Variants in ADAMTS10 observed in about 807,000 individuals in gnomAD.
ADAMTS10 encodes ADAM metallopeptidase with thrombospondin type 1 motif 10.
In ADAMTS10, 48 loss-of-function variants were observed where a neutral mutation model predicts 135.9. The observed-to-expected ratio is 0.35, with a 90% CI of 0.28 to 0.45. The LOEUF (loss-of-function observed/expected upper bound fraction) is 0.45. ADAMTS10 is among the 20% of genes least tolerant of loss of function. ADAMTS10 has a pLI of 1.00. For missense variants in ADAMTS10, 1,131 were observed against 1,565.2 expected, an observed-to-expected ratio of 0.72 and a Z score of 4.68; for synonymous variants, 621 against 647.5, an observed-to-expected ratio of 0.96 and a Z score of 0.62.
intron 18 of ADAMTS10, 138 bp downstream of exon 18, chr19:8,589,104 C>A (rs2042480769): frequency 2.1e-6 from 3 of 1,449,984 alleles, no homozygotes; most frequent in East Asian, 2.4e-5. Context: ...GCCCGCAGGA[C>A]TTTTGGGGAC....
At chr19:8,582,558 C>A (rs2146031430) in intron 25 of ADAMTS10, 1 of 152,290 alleles carries the variant, frequency 6.6e-6, no homozygotes, top group Non-Finnish European at 1.5e-5. Flanking sequence ...AGAACATTGA[C>A]TATTTTGTGT....
At chr19:8,600,155 C>T (rs2042647209) in intron 6 of ADAMTS10, among the ~76,000 whole-genome samples, 1 of 152,226 alleles carries the variant, frequency 6.6e-6, no homozygotes, top group South Asian at 2.1e-4. Flanking sequence ...ATGCCACCTA[C>T]TGCATGCCAA....
At chr19:8,597,855 G>T (rs1241284509) in intron 6 of ADAMTS10, among the ~76,000 whole-genome samples, 1 of 151,736 alleles carries the variant, frequency 6.6e-6, no homozygotes, top group Non-Finnish European at 1.5e-5. Flanking sequence ...CTAGGGTGGA[G>T]TACAATGGTG....
Position 8,589,326 on chromosome 19 carries a change from C to T in ADAMTS10, c.2074G>A (p.Glu692Lys), listed in dbSNP as rs1555738189. 1 of 1,612,544 alleles carries T rather than the reference C, an allele frequency of 6.2e-7. No homozygotes were observed. Among genetic ancestry groups the T allele is most frequent in the South Asian group, 1.1e-5 (1 of 91,076 alleles). Reference protein sequence around the residue: ...CDRVLGSDLREDKCRVCGGDG... With the variant: ...CDRVLGSDLRKDKCRVCGGDG... ...CCGCCACACACTCGGCACTTGTCCTCCCGCAGGTCGGAGCCCAGGACTCGG... is the reference window on the plus strand; with the variant it reads ...CCGCCACACACTCGGCACTTGTCCTTCCGCAGGTCGGAGCCCAGGACTCGG... The change falls in exon 18 of 26, where the codon GAG (glutamate) becomes AAG (lysine). Residue 692 changes from glutamate to lysine, a missense_variant. By Grantham distance (56) the Glu-to-Lys change is moderately conservative. Coordinates refer to ENST00000597188, the MANE Select transcript of ADAMTS10 (RefSeq NM_030957.4).
At chr19:8,585,882 C>A (rs190378775) in intron 22 of ADAMTS10, among the ~76,000 whole-genome samples, 1 of 152,218 alleles carries the variant, frequency 6.6e-6, no homozygotes, top group Admixed American at 6.5e-5. Flanking sequence ...TTGGACAATG[C>A]GAGTGACCAG....
chr19:8,590,589 G>T (rs1555738700), intron 15 of ADAMTS10, among the ~76,000 whole-genome samples: 2 of 152,122 alleles, frequency 1.3e-5, no homozygotes, highest in East Asian at 3.9e-4. Context: ...CTCCCAAGTA[G>T]CTGGGACTAC....
At chr19:8,584,842 G>A in intron 25 of ADAMTS10, 53 bp downstream of exon 25, 2 of 1,545,006 alleles carry the variant, frequency 1.3e-6, no homozygotes, top group East Asian at 2.5e-5. Flanking sequence ...TGCCCTCTGT[G>A]GCTGCCTCTG....
At position 8,596,610 on chromosome 19, in the gene ADAMTS10, A is replaced by C; in HGVS notation, c.1041-25T>G. The C allele has an allele frequency of 6.2e-7, 1 of 1,611,694 alleles. No homozygotes were observed. Among genetic ancestry groups the C allele is most frequent in the Non-Finnish European group, 8.5e-7 (1 of 1,179,522 alleles). ...GCTGTAAAAGGAGACAGGGTCAGTG[A>C]GGGGGCTGGGCTGTCTCCCTAAGCC... is the stretch of plus-strand genomic sequence containing the variant. On this transcript the variant is annotated intron_variant, in intron 8 of 25. Transcript: ENST00000597188. The surrounding 1 kb of genome is among the most constrained non-coding windows in gnomAD (Gnocchi z 7.2).
Position 8,605,190 on chromosome 19 carries a change from T to C in ADAMTS10, c.257A>G (p.His86Arg), listed in dbSNP as rs782616945. The C allele has an allele frequency of 2.5e-6, 4 of 1,613,938 alleles. No individual in the cohort carries two copies. The highest frequency in any genetic ancestry group is 1.7e-5 in the Admixed American group (1 of 60,006). Residue 86 changes from histidine (H) to arginine (R), a missense_variant, in exon 4 of 26, where the codon CAC (histidine) becomes CGC (arginine). Transcript: ENST00000597188. The surrounding 1 kb of genome is among the most constrained non-coding windows in gnomAD (Gnocchi z 7.7). ...GCTGCGGGTCAGGTTCAGCAGGAAG[T>C]GGGTGCTGGGCGAGGCCACTTTGTA... The part of the protein sequence containing the change: ...LFYKVASPST[H>R]FLLNLTRSSR...
chr19:8,587,593 C>T (rs534625075), intron 18 of ADAMTS10, among the ~76,000 whole-genome samples: 4 of 151,390 alleles, frequency 2.6e-5, no homozygotes, highest in East Asian at 2.0e-4. Flanking sequence ...CTCAGCCTCT[C>T]GAGCAGCTGG....
chr19:8,596,684 G>A lies in ADAMTS10; in HGVS notation c.1041-99C>T. 4 of 1,452,866 alleles carry A rather than the reference G, an allele frequency of 2.8e-6. No individual in the cohort carries two copies. The highest frequency in any genetic ancestry group is 2.8e-6 in the Non-Finnish European group (3 of 1,058,850). The allele number at this position is 1,452,866 out of a possible 1,614,324, so 90.0% of individuals were successfully genotyped here. On this transcript the variant is annotated intron_variant, in intron 8 of 25. Transcript: ENST00000597188. This position sits in a 1 kb window ranked among gnomAD's most constrained non-coding sequence, Gnocchi z 7.2. ...TCTGGGGGTTGAGTCCTGCCTTGGA[G>A]GCGCCATCTGCCTCTCACCTGAAGC...
In ADAMTS10 at chr19:8,605,837, C is replaced by T. The variant is rs1301699109; in HGVS notation, c.-99-28G>A. 1.1e-5 allele frequency: 16 copies of T among 1,485,260 alleles called. No homozygotes were observed. Among genetic ancestry groups the T allele is most frequent in the East Asian group, 2.5e-5 (1 of 40,386 alleles). The allele number at this position is 1,485,260 out of a possible 1,614,324, so 92.0% of individuals were successfully genotyped here. ...GGGAGGGGGGAGCCAGGTAAGGGGG[C>T]GCCTGGTCCCGCTGTCCAGCACAAC... is the stretch of plus-strand genomic sequence containing the variant. On this transcript the variant is annotated intron_variant, in intron 2 of 25. Coordinates refer to ENST00000597188, the MANE Select transcript of ADAMTS10 (RefSeq NM_030957.4). This position sits in a 1 kb window ranked among gnomAD's most constrained non-coding sequence, Gnocchi z 7.7.
chr19:8,601,081 G>T lies in ADAMTS10; in HGVS notation c.657C>A (p.Pro219=). ...GGCCACGCTCTGTTTCATTCCCCAG[G>T]GGCCTGGCAGGCGGTGGCTTCAAGG... is the stretch of plus-strand genomic sequence containing the variant. ...LRTLKPPPAR[P]LGNETERGQP... Residue 219 remains proline (P), a synonymous_variant, in exon 6 of 26, where the codon CCC becomes CCA. Transcript: ENST00000597188. This position sits in a 1 kb window ranked among gnomAD's most constrained non-coding sequence, Gnocchi z 4.6. 2 of 1,614,048 alleles carry T rather than the reference G, an allele frequency of 1.2e-6. No individual in the cohort carries two copies.
Position 8,586,427 on chromosome 19 carries a change from T to C in ADAMTS10, c.2447A>G (p.Asn816Ser), listed in dbSNP as rs2042431423. 11 of 1,613,778 alleles carry C rather than the reference T, an allele frequency of 6.8e-6. No individual in the cohort carries two copies. In the Admixed American group the frequency reaches 1.2e-4, roughly 17 times the overall value. ...TELPALRYRF[N>S]APIARDSLPP... is the part of the protein sequence containing the mutation. ...CAGCGAGTCACGGGCGATGGGGGCA[T>C]TGAAGCGGTAGCGGAGGGCAGGCAG... Residue 816 changes from asparagine to serine, a missense_variant, in exon 21 of 26, where the codon AAT becomes AGT. By Grantham distance (46) the Asn-to-Ser change is conservative. Coordinates refer to ENST00000597188, the MANE Select transcript of ADAMTS10 (RefSeq NM_030957.4).
chr19:8,585,619 T>C lies in ADAMTS10; in HGVS notation c.2702A>G (p.Asp901Gly). 1 of 1,611,920 alleles carries C rather than the reference T, an allele frequency of 6.2e-7. No individual in the cohort carries two copies. The highest frequency in any genetic ancestry group is 1.3e-5 in the African/African-American group (1 of 75,022). The change falls in exon 23 of 26, where the codon GAT becomes GGT. Residue 901 changes from aspartate (D) to glycine (G), a missense_variant. Asp to Gly is a moderately conservative substitution (Grantham distance 94). This residue lies in a region of ADAMTS10 where 745 missense variants were observed against 1,056.3 expected (regional missense o/e 0.71). Transcript: ENST00000597188. ...GNWSLCSRSCDAGVRSRSVVC... is the reference protein window; with the variant it reads ...GNWSLCSRSCGAGVRSRSVVC... ...GACCGAGCGGCTGCGCACGCCTGCA[T>C]CGCAGCTGCGGCTGCAGAGCGACCA...
chr19:8,586,766 G>T (rs782445549), intron 19 of ADAMTS10, 45 bp from the exon 20 acceptor site: 30 of 1,613,844 alleles, frequency 1.9e-5, no homozygotes, highest in Non-Finnish European at 2.4e-5. Context: ...TGCTGAAACC[G>T]CCCTCCCCAC....
chr19:8,588,427 C>G (rs1420260315), intron 18 of ADAMTS10, among the ~76,000 whole-genome samples: 1 of 151,926 alleles, frequency 6.6e-6, no homozygotes, highest in East Asian at 1.9e-4. Flanking sequence ...TATAAAACCC[C>G]AATGGGACTC....
rs1555739390 is a variant in ADAMTS10 at position 8,592,751 on chromosome 19, G to C, written c.1587+12C>G. 1.6e-5 allele frequency: 25 copies of C among 1,606,726 alleles called. No individual in the cohort carries two copies. Among genetic ancestry groups the C allele is most frequent in the Non-Finnish European group, 2.1e-5 (25 of 1,178,718 alleles). Reference sequence around the variant, plus strand: ...GGGCGTGGCCCAGTTGGGGGCCCTGGCCGGCGCTCACCCCCTTGTCGATGG... The same window carrying C: ...GGGCGTGGCCCAGTTGGGGGCCCTGCCCGGCGCTCACCCCCTTGTCGATGG... On this transcript the variant is annotated intron_variant, in intron 13 of 25. Transcript: ENST00000597188.
At chr19:8,589,416 C>T in intron 17 of ADAMTS10, 36 bp downstream of exon 17, 1 of 1,612,668 alleles carries the variant, frequency 6.2e-7, no homozygotes, top group Non-Finnish European at 8.5e-7. Flanking sequence ...CCCCCGCTCC[C>T]CATCCCCTCT....
Sources: gnomAD v4.1 joint callset for allele counts (sites outside exome capture counted in the v4.1 genomes callset) on GRCh38, gnomAD v4.1.1 for gene constraint, gnomAD v4.1.1 regional missense constraint, Gnocchi (gnomAD v3.1) non-coding constraint, MANE v1.5 for transcripts, NCBI Gene and HGNC (gene_info 2026-07-23, HGNC 2026-07-21) for gene names.